The following CCDC171 variants were observed in gnomAD, a reference collection of about 807,000 sequenced individuals.
CCDC171 encodes the protein coiled-coil domain-containing protein 171.
A neutral mutation model predicts 168.2 loss-of-function variants in CCDC171; 177 were observed. That is an observed-to-expected ratio of 1.05 (90% CI 0.93 to 1.19). The LOEUF (loss-of-function observed/expected upper bound fraction) is 1.19, where lower values mean the gene tolerates loss of function less well. Ranked by LOEUF, CCDC171 falls within the 50% of genes most tolerant of loss-of-function variation. The pLI is 0.00. For synonymous variants in CCDC171, 687 were observed against 540.8 expected, an observed-to-expected ratio of 1.27 and a Z score of -3.75; for missense variants, 1,991 against 1,539.0, an observed-to-expected ratio of 1.29 and a Z score of -4.91.
chr9:15,578,407 GTATTAT>G (rs36232245), intron 3 of CCDC171, among the ~76,000 whole-genome samples: 4,929 of 134,224 alleles, frequency 0.037, 205 homozygotes, highest in African/African-American at 0.11. Flanking sequence ...GTTAATTTTT[GTATTAT>G]TATTATTATT....
intron 3 of CCDC171, among the ~76,000 whole-genome samples, chr9:15,573,568 C>T (rs1005758311): frequency 1.3e-5 from 2 of 152,102 alleles, no homozygotes; most frequent in Non-Finnish European, 2.9e-5. Context: ...AGGCGTGAGC[C>T]ACTGTGCCCC....
At chr9:15,746,351 T>G (rs1283686585) in intron 18 of CCDC171, among the ~76,000 whole-genome samples, 1 of 152,216 alleles carries the variant, frequency 6.6e-6, no homozygotes, top group Non-Finnish European at 1.5e-5. Flanking sequence ...ACTGTGCAAA[T>G]ATAGATTATT....
At chr9:15,934,646 C>T (rs1028673724) in intron 25 of CCDC171, among the ~76,000 whole-genome samples, 4 of 151,896 alleles carry the variant, frequency 2.6e-5, no homozygotes, top group Non-Finnish European at 5.9e-5. Context: ...AAATTTACTC[C>T]TGCATATATA....
At chr9:15,777,126 T>G (rs887411070) in intron 18 of CCDC171, among the ~76,000 whole-genome samples, 29 of 152,350 alleles carry the variant, frequency 1.9e-4, no homozygotes, top group Non-Finnish European at 3.2e-4. Context: ...TGCTGGGACC[T>G]TAAGTCCATT....
intron 18 of CCDC171, among the ~76,000 whole-genome samples, chr9:15,765,446 G>T (rs1473218962): frequency 6.6e-6 from 1 of 152,172 alleles, no homozygotes; most frequent in Non-Finnish European, 1.5e-5. Flanking sequence ...GGGATCCAAT[G>T]CACAGAAGTG....
intron 21 of CCDC171, among the ~76,000 whole-genome samples, chr9:15,840,712 A>C (rs1265197866): frequency 6.6e-6 from 1 of 151,798 alleles, no homozygotes; most frequent in South Asian, 2.1e-4. Flanking sequence ...CCACTTTTCT[A>C]TTTTGTACTT....
rs578256907 is a variant in CCDC171, at chr9:15,909,488, T to C, written c.3601-10782T>C. Among the ~76,000 whole-genome samples the C allele has an allele frequency of 3.0e-4, 45 of 152,236 alleles. No individual in the cohort carries two copies. The South Asian group carries it at 5.0e-3, about 17-fold the overall frequency. ...CAGTCTGACATCCTGATATAGTCCT[T>C]CTTACACAACTTTTTACTGGAATGG... On this transcript the variant is annotated intron_variant, in intron 24 of 25. Transcript: ENST00000380701.
intron 24 of CCDC171, among the ~76,000 whole-genome samples, chr9:15,918,832 T>G (rs1189012088): frequency 2.0e-5 from 3 of 151,682 alleles, no homozygotes; most frequent in Non-Finnish European, 4.4e-5. Flanking sequence ...TTCCCAAACA[T>G]CATCACCCTT....
At chr9:15,825,691 A>AT (rs998963525) in intron 21 of CCDC171, among the ~76,000 whole-genome samples, 32 of 152,132 alleles carry the variant, frequency 2.1e-4, no homozygotes, top group Admixed American at 7.2e-4. Context: ...TCTAGGAGAG[A>AT]TTTTTTTAAA....
chr9:15,730,571 C>T (rs939639559), intron 16 of CCDC171, among the ~76,000 whole-genome samples: 1 of 151,582 alleles, frequency 6.6e-6, no homozygotes, highest in Non-Finnish European at 1.5e-5. Context: ...GGTATTTAGC[C>T]TCTTTATTTG....
At chr9:15,656,728 T>C (rs781423836) in intron 7 of CCDC171, among the ~76,000 whole-genome samples, 1 of 152,092 alleles carries the variant, frequency 6.6e-6, no homozygotes, top group Non-Finnish European at 1.5e-5. Flanking sequence ...TACTTGGGTA[T>C]GTGGTGGGGT....
chr9:15,595,909 C>T (rs2131547293), intron 6 of CCDC171, among the ~76,000 whole-genome samples: 1 of 152,270 alleles, frequency 6.6e-6, no homozygotes, highest in Non-Finnish European at 1.5e-5. Context: ...TGATGATGAG[C>T]ATTTTTTCAT....
chr9:16,031,638 G>A (rs1833365539), intron 6 of CCDC171, among the ~76,000 whole-genome samples: 1 of 152,218 alleles, frequency 6.6e-6, no homozygotes, highest in Non-Finnish European at 1.5e-5. Context: ...AATCACAGGT[G>A]TGAATTCCTT....
At chr9:15,746,137 A>G (rs1031319264) in intron 18 of CCDC171, among the ~76,000 whole-genome samples, 7 of 152,210 alleles carry the variant, frequency 4.6e-5, no homozygotes, top group Non-Finnish European at 1.0e-4. Context: ...GCAATTTACA[A>G]AAGTTTAAAA....
intron 7 of CCDC171, among the ~76,000 whole-genome samples, chr9:15,633,380 C>G (rs1253285877): frequency 6.6e-6 from 1 of 152,166 alleles, no homozygotes; most frequent in African/African-American, 2.4e-5. Context: ...ACAGACACTT[C>G]TGAAAAGTAG....
intron 11 of CCDC171, among the ~76,000 whole-genome samples, chr9:15,714,860 GC>G (rs2134089196): frequency 6.6e-6 from 1 of 152,226 alleles, no homozygotes; most frequent in Admixed American, 6.5e-5. Context: ...TAACTATGCT[GC>G]CCATTTATTT....
intron 20 of CCDC171, 87 bp from the exon 21 acceptor site, chr9:15,784,422 T>C: frequency 1.3e-6 from 1 of 765,330 alleles, no homozygotes; most frequent in Non-Finnish European, 2.0e-6. Flanking sequence ...GAAATGTTTG[T>C]ATTATATTCC....
intron 6 of CCDC171, among the ~76,000 whole-genome samples, chr9:15,606,353 G>C (rs749892050): frequency 6.6e-6 from 1 of 152,182 alleles, no homozygotes; most frequent in Admixed American, 6.5e-5. Context: ...ATGATTCTTC[G>C]TGTAAATGCC....
chr9:15,995,830 G>A (rs1409104041), intron 3 of CCDC171, among the ~76,000 whole-genome samples: 1 of 152,124 alleles, frequency 6.6e-6, no homozygotes, highest in Non-Finnish European at 1.5e-5. Context: ...ATCTTTGCTT[G>A]TTTCATTATC....
Sources: gnomAD v4.1 joint callset for allele counts (sites outside exome capture counted in the v4.1 genomes callset) on GRCh38, gnomAD v4.1.1 for gene constraint, MANE v1.5 for transcripts, NCBI Gene and HGNC (gene_info 2026-07-23, HGNC 2026-07-21) for gene names.